IGSF11: variants seen among roughly 807,000 people sequenced by gnomAD.
IGSF11 encodes the protein immunoglobulin superfamily member 11, also known as CXADR like 1.
Under a neutral mutation model 41.0 loss-of-function variants are expected in IGSF11, and 22 were observed. That is an observed-to-expected ratio of 0.54 (90% CI 0.38 to 0.77). The LOEUF is 0.77. IGSF11 is among the 30% of genes least tolerant of loss of function. The probability of loss-of-function intolerance (pLI) is 0.00; values close to 1 mark genes in which losing one functional copy is unlikely to be tolerated. For missense variants in IGSF11, 444 were observed against 530.8 expected (o/e 0.84, Z 1.61); for synonymous variants, 219 against 201.3 (o/e 1.09, Z -0.74).
At chr3:118,991,669 G>A (rs1935804431) in intron 1 of IGSF11, among the ~76,000 whole-genome samples, 1 of 152,114 alleles carries the variant, frequency 6.6e-6, no homozygotes, top group Non-Finnish European at 1.5e-5. Context: ...AAATGACAAT[G>A]GATATAAGAT....
intron 1 of IGSF11, among the ~76,000 whole-genome samples, chr3:119,056,262 G>A (rs1201278847): frequency 2.6e-5 from 4 of 151,970 alleles, no homozygotes; most frequent in Non-Finnish European, 5.9e-5. Context: ...GAATCAAATA[G>A]ACGCAATAAA....
chr3:119,102,888 T>A (rs1374688435), intron 1 of IGSF11, among the ~76,000 whole-genome samples: 1 of 152,172 alleles, frequency 6.6e-6, no homozygotes, highest in Non-Finnish European at 1.5e-5. Flanking sequence ...GTGGTCTTAG[T>A]ATGTCTTCTC....
At position 118,955,531 on chromosome 3, in the gene IGSF11, AAAC is replaced by A. The variant is rs1418565473; in HGVS notation, c.53-25259_53-25257del. On this transcript the variant is annotated intron_variant, in intron 1 of 6. Coordinates refer to ENST00000393775, the MANE Select transcript of IGSF11 (RefSeq NM_001015887.3). ...GATCCAGTTTCATTAGCTGTCATGA[AAAC>A]AACATTAATCTCCTTGTACAGCTCC... Among the ~76,000 whole-genome samples, 16 of 152,266 alleles carry A rather than the reference AAAC, an allele frequency of 1.1e-4. No homozygotes were observed. In the East Asian group the frequency reaches 1.2e-3, roughly 11 times the overall value.
intron 1 of IGSF11, among the ~76,000 whole-genome samples, chr3:119,094,014 GA>G (rs2076806723): frequency 6.6e-6 from 1 of 151,834 alleles, no homozygotes; most frequent in Admixed American, 6.6e-5. Context: ...GAGATTTTAA[GA>G]GACATTTTCG....
Position 119,027,887 on chromosome 3 carries a change from T to C in IGSF11, c.52+6644A>G, listed in dbSNP as rs187842645. Among the ~76,000 whole-genome samples, 1,146 of 152,240 alleles carry C rather than the reference T, an allele frequency of 7.5e-3. 33 individuals are homozygous for C. Among genetic ancestry groups the C allele is most frequent in the Admixed American group, 0.052 (794 of 15,280 alleles). On this transcript the variant is annotated intron_variant, in intron 1 of 6. Coordinates refer to ENST00000393775, the MANE Select transcript of IGSF11 (RefSeq NM_001015887.3). ...CTGTACCAATAAATAAGTACATAAGTGTACTTAACCAATAAAAGCCTAAAA... is the reference window on the plus strand; with the variant it reads ...CTGTACCAATAAATAAGTACATAAGCGTACTTAACCAATAAAAGCCTAAAA...
chr3:119,048,503 G>C (rs988722398), intron 1 of IGSF11, among the ~76,000 whole-genome samples: 6 of 152,114 alleles, frequency 3.9e-5, no homozygotes, highest in African/African-American at 1.4e-4. Flanking sequence ...TGGCAATAAT[G>C]AATAGCTTAC....
At chr3:118,992,148 G>A (rs908665749) in intron 1 of IGSF11, among the ~76,000 whole-genome samples, 1 of 152,152 alleles carries the variant, frequency 6.6e-6, no homozygotes, top group Non-Finnish European at 1.5e-5. Flanking sequence ...TCCTTTAACT[G>A]GCACTGAAAG....
upstream of IGSF11, among the ~76,000 whole-genome samples, chr3:119,106,938 T>C (rs960995501): frequency 3.9e-5 from 6 of 152,350 alleles, no homozygotes; most frequent in Non-Finnish European, 8.8e-5. Context: ...TATGGCTGCA[T>C]AGTATTCTAT....
intron 1 of IGSF11, among the ~76,000 whole-genome samples, chr3:119,125,362 C>T (rs2077390130): frequency 6.6e-6 from 1 of 152,026 alleles, no homozygotes; most frequent in African/African-American, 2.4e-5. Flanking sequence ...GGGCTGAGTC[C>T]GAGAAAGGGG....
Position 118,902,718 on chromosome 3 carries a change from C to T in IGSF11, c.1098G>A (p.Pro366=), listed in dbSNP as rs1440029040. ...TCACTACCAGAGTCTTATGTTGACC[C>T]GGGACCAGATGGGTCCCATTAGCAT... ...SIYANGTHLV[P]GQHKTLVVTA... The change falls in exon 7 of 7, where the codon CCG becomes CCA. Residue 366 remains proline, a synonymous_variant. Transcript: ENST00000393775. 19 of 1,614,108 alleles carry T rather than the reference C, an allele frequency of 1.2e-5. No individual in the cohort carries two copies. Among genetic ancestry groups the T allele is most frequent in the African/African-American group, 2.7e-5 (2 of 75,020 alleles).
intron 1 of IGSF11, among the ~76,000 whole-genome samples, chr3:118,998,775 G>T (rs1936518873): frequency 6.6e-6 from 1 of 151,816 alleles, no homozygotes; most frequent in Admixed American, 6.6e-5. Flanking sequence ...TTTAATCTAC[G>T]CTCATTCCCA....
chr3:119,077,468 A>G (rs2099488), intron 1 of IGSF11, among the ~76,000 whole-genome samples: 135,365 of 152,128 alleles, frequency 0.89, 60,392 homozygotes, highest in African/African-American at 0.95. Context: ...TTATATGTCA[A>G]TTTAAAATAA....
chr3:119,024,711 T>C (rs1939649158), intron 1 of IGSF11, among the ~76,000 whole-genome samples: 1 of 152,138 alleles, frequency 6.6e-6, no homozygotes, highest in Non-Finnish European at 1.5e-5. Flanking sequence ...TTTTAATCAA[T>C]AATAACACTA....
chr3:118,978,775 G>A (rs1934400410), intron 1 of IGSF11, among the ~76,000 whole-genome samples: 1 of 152,130 alleles, frequency 6.6e-6, no homozygotes, highest in South Asian at 2.1e-4. Flanking sequence ...TCATCTTCAG[G>A]AAAAAGTCCT....
At chr3:119,072,875 C>G (rs2076423661) in intron 1 of IGSF11, among the ~76,000 whole-genome samples, 1 of 152,190 alleles carries the variant, frequency 6.6e-6, no homozygotes, top group African/African-American at 2.4e-5. Context: ...AGTCTGGCCC[C>G]ACCCACATCC....
chr3:119,050,970 G>C (rs1256646953), intron 1 of IGSF11, among the ~76,000 whole-genome samples: 1 of 147,254 alleles, frequency 6.8e-6, no homozygotes, highest in Non-Finnish European at 1.5e-5. Flanking sequence ...CACAGGAAGG[G>C]GAACATCACA....
rs66598029 is a variant in IGSF11 at position 119,029,173 on chromosome 3, TACACACACACACACAC to T, written c.52+5342_52+5357del. The stretch of plus-strand genomic sequence containing the variant: ...ACATGGTACTGCCTTTTGGGGATAA[TACACACACACACACAC>T]ACACACACACACACACACACGGTAG... On this transcript the variant is annotated intron_variant, in intron 1 of 6. Coordinates refer to ENST00000393775, the MANE Select transcript of IGSF11 (RefSeq NM_001015887.3). Among the ~76,000 whole-genome samples, 8 of 111,564 alleles carry T rather than the reference TACACACACACACACAC, an allele frequency of 7.2e-5. No homozygotes were observed. In the East Asian group the frequency reaches 1.3e-3, roughly 17 times the overall value. The allele number at this position is 111,564 out of a possible 152,430, so 73.2% of individuals were successfully genotyped here.
chr3:118,905,549 T>TGG, intron 5 of IGSF11, 47 bp downstream of exon 5: 1 of 1,605,120 alleles, frequency 6.2e-7, no homozygotes, highest in Non-Finnish European at 8.5e-7. Context: ...AACAAAGATC[T>TGG]TAGAGTTTCA....
chr3:119,073,348 C>T (rs566619902), intron 1 of IGSF11, among the ~76,000 whole-genome samples: 13 of 152,348 alleles, frequency 8.5e-5, no homozygotes, highest in Admixed American at 2.6e-4. Context: ...TAGTGGATCC[C>T]GCGCCAGGGC....
Sources: allele counts gnomAD v4.1 joint callset (sites outside exome capture counted in the v4.1 genomes callset), GRCh38; gene constraint gnomAD v4.1.1; transcripts MANE v1.5; gene names NCBI Gene and HGNC (gene_info 2026-07-23, HGNC 2026-07-21).